The following XKR9 variants were observed in gnomAD, a reference collection of about 807,000 sequenced individuals.
XKR9 encodes XK-related protein 9.
Under a neutral mutation model 32.0 loss-of-function variants are expected in XKR9, and 32 were observed. That is an observed-to-expected ratio of 1.00 (90% CI 0.76 to 1.34). The LOEUF is 1.34. Among genes scored for constraint, XKR9 ranks in the 40% most tolerant of loss-of-function variants. The pLI is 0.00. For missense variants in XKR9, 546 were observed against 429.7 expected (o/e 1.27, Z -2.39); for synonymous variants, 168 against 143.4 (o/e 1.17, Z -1.22).
At chr8:70,826,758 G>A in the XKR9 span, among the ~76,000 whole-genome samples, 1,701 of 152,060 alleles carry the variant, frequency 0.011, 30 homozygotes, top group African/African-American at 0.037. Flanking sequence ...TGTTTAATAC[G>A]TTGATATAGG....
chr8:70,755,064 C>G (rs1000894940), intron 2 of XKR9, among the ~76,000 whole-genome samples: 2 of 152,104 alleles, frequency 1.3e-5, no homozygotes, highest in African/African-American at 4.8e-5. Flanking sequence ...AACAAATTTA[C>G]AAGAAAAAAA....
At chr8:70,868,480 C>T in the XKR9 span, among the ~76,000 whole-genome samples, 1 of 150,786 alleles carries the variant, frequency 6.6e-6, no homozygotes, top group East Asian at 2.0e-4. Context: ...TTGGGGCTTC[C>T]ACCCTCTGAA....
At chr8:70,986,268 A>G in the XKR9 span, among the ~76,000 whole-genome samples, 15,407 of 152,250 alleles carry the variant, frequency 0.1, 858 homozygotes, top group Middle Eastern at 0.14. Flanking sequence ...ATAAAATAGG[A>G]GCACCAACTT....
rs1806757551 is a variant in XKR9, at chr8:70,733,867, T to C, written c.565T>C (p.Ser189Pro). ...TGATTATCAAGTAGCTTTAAGAAAA[T>C]CCTTGCCTGACAAAAAGCTTCTTAA... ...TVDYQVALRK[S>P]LPDKKLLNGL... is the part of the protein sequence containing the mutation. The change falls in exon 5 of 5, where the codon TCC (serine) becomes CCC (proline). Residue 189 changes from serine (S) to proline (P), a missense_variant. Ser to Pro is a moderately conservative substitution (Grantham distance 74). Transcript: ENST00000408926. The C allele has an allele frequency of 2.5e-6, 4 of 1,610,490 alleles. No homozygotes were observed. The Middle Eastern group carries it at 5.0e-4, about 200-fold the overall frequency.
chr8:71,018,922 A>T, the XKR9 span, among the ~76,000 whole-genome samples: 1 of 152,234 alleles, frequency 6.6e-6, no homozygotes. Flanking sequence ...GAGAATAAAA[A>T]CACAACATAA....
At chr8:70,882,324 C>T in the XKR9 span, among the ~76,000 whole-genome samples, 23 of 151,428 alleles carry the variant, frequency 1.5e-4, no homozygotes, top group Non-Finnish European at 2.8e-4. Context: ...AAAATTAAGG[C>T]ATGTGGTAAG....
the XKR9 span, among the ~76,000 whole-genome samples, chr8:70,845,980 G>A: frequency 6.6e-6 from 1 of 152,002 alleles, no homozygotes; most frequent in Admixed American, 6.6e-5. Context: ...AACCCAAAAA[G>A]GCCTTCACAG....
chr8:70,869,120 A>G, the XKR9 span, among the ~76,000 whole-genome samples: 2 of 152,000 alleles, frequency 1.3e-5, no homozygotes, highest in Non-Finnish European at 2.9e-5. Context: ...ACTTTCCCAC[A>G]TTTTCCTGTC....
At chr8:70,757,464 G>C (rs1307810276) in intron 2 of XKR9, among the ~76,000 whole-genome samples, 1 of 151,336 alleles carries the variant, frequency 6.6e-6, no homozygotes, top group Non-Finnish European at 1.5e-5. Flanking sequence ...ATTTTGATTT[G>C]GTTCCTTTTT....
At chr8:71,046,532 T>C in the XKR9 span, among the ~76,000 whole-genome samples, 1 of 152,232 alleles carries the variant, frequency 6.6e-6, no homozygotes, top group Non-Finnish European at 1.5e-5. Flanking sequence ...GTAGGTATCA[T>C]TGTGCCTGTC....
At chr8:70,986,515 T>A in the XKR9 span, among the ~76,000 whole-genome samples, 1 of 152,194 alleles carries the variant, frequency 6.6e-6, no homozygotes, top group African/African-American at 2.4e-5. Flanking sequence ...GGCTCTGATG[T>A]ACAGTGAATC....
At chr8:70,910,454 TA>T in the XKR9 span, among the ~76,000 whole-genome samples, 1 of 152,180 alleles carries the variant, frequency 6.6e-6, no homozygotes, top group Non-Finnish European at 1.5e-5. Flanking sequence ...ATTAGGTTTT[TA>T]AGATTATTTA....
the XKR9 span, among the ~76,000 whole-genome samples, chr8:70,868,886 G>T: frequency 6.6e-6 from 1 of 152,004 alleles, no homozygotes; most frequent in Non-Finnish European, 1.5e-5. Flanking sequence ...TGAATGCTTT[G>T]CTGCTTAGAA....
At chr8:70,753,211 C>A (rs1356875914) in intron 2 of XKR9, among the ~76,000 whole-genome samples, 1 of 152,102 alleles carries the variant, frequency 6.6e-6, no homozygotes, top group Admixed American at 6.5e-5. Flanking sequence ...CAACACTAAC[C>A]CAGGAAGAAG....
intron 2 of XKR9, among the ~76,000 whole-genome samples, chr8:70,751,014 C>T (rs897572116): frequency 1.3e-5 from 2 of 152,190 alleles, no homozygotes; most frequent in Non-Finnish European, 2.9e-5. Flanking sequence ...GACTTATCTA[C>T]CTCAAGGAAG....
chr8:70,776,233 T>G (rs936654416), intron 2 of XKR9, among the ~76,000 whole-genome samples: 2 of 152,192 alleles, frequency 1.3e-5, no homozygotes, highest in African/African-American at 2.4e-5. Flanking sequence ...CTAATACAGT[T>G]TCTTTAATTG....
chr8:71,028,778 G>A, the XKR9 span, among the ~76,000 whole-genome samples: 1 of 151,966 alleles, frequency 6.6e-6, no homozygotes, highest in South Asian at 2.1e-4. Context: ...AAAAATAAAG[G>A]CAAGACATCT....
chr8:70,835,088 G>A, the XKR9 span, among the ~76,000 whole-genome samples: 14 of 152,184 alleles, frequency 9.2e-5, no homozygotes, highest in East Asian at 2.3e-3. Context: ...GCATTTAAGG[G>A]TATTACATCT....
At chr8:71,022,523 A>G in the XKR9 span, among the ~76,000 whole-genome samples, 1 of 151,860 alleles carries the variant, frequency 6.6e-6, no homozygotes, top group Non-Finnish European at 1.5e-5. Context: ...GAGTGGCTAG[A>G]TTTTCTCTTG....
Sources: allele counts gnomAD v4.1 joint callset (sites outside exome capture counted in the v4.1 genomes callset), GRCh38; gene constraint gnomAD v4.1.1; transcripts MANE v1.5; gene names NCBI Gene and HGNC (gene_info 2026-07-23, HGNC 2026-07-21).